Variants in TENM1 observed in about 807,000 individuals in gnomAD.
The protein encoded by TENM1 is teneurin-1.
In TENM1, 35 loss-of-function variants were observed where a neutral mutation model predicts 174.8. The ratio of observed to expected loss-of-function variants is 0.20; its 90% CI spans 0.15 to 0.27. The LOEUF (loss-of-function observed/expected upper bound fraction) is 0.27, where lower values mean the gene tolerates loss of function less well. Ranked by LOEUF, TENM1 falls within the 10% of genes least tolerant of loss-of-function variation. The pLI, the probability that TENM1 is intolerant of heterozygous loss-of-function variation, is 1.00. For synonymous variants in TENM1, 781 were observed against 798.7 expected (o/e 0.98, Z 0.37); for missense variants, 1,633 against 2,130.1 (o/e 0.77, Z 4.59).
chrX:124,842,118 C>T (rs2056514169), intron 3 of TENM1, among the ~76,000 whole-genome samples: 1 of 111,600 alleles, frequency 9.0e-6, no homozygotes, highest in Admixed American at 9.5e-5. Flanking sequence ...TATGTCTCTT[C>T]TGGTATTTCT....
intron 28 of TENM1, among the ~76,000 whole-genome samples, chrX:124,390,024 C>T (rs758519085): frequency 1.3e-4 from 15 of 111,916 alleles, no homozygotes; most frequent in Non-Finnish European, 2.4e-4. Context: ...GTTACCAGGA[C>T]TTGTCTTGAT....
At chrX:124,546,021 T>A (rs2048421079) in intron 15 of TENM1, among the ~76,000 whole-genome samples, 1 of 112,239 alleles carries the variant, frequency 8.9e-6, no homozygotes, top group East Asian at 2.8e-4. Flanking sequence ...GTTGTAATTT[T>A]CTTAGATTGT....
the TENM1 span, among the ~76,000 whole-genome samples, chrX:125,184,216 A>G: frequency 8.9e-6 from 1 of 112,078 alleles, no homozygotes; most frequent in African/African-American, 3.2e-5. Context: ...ATTCTGATCC[A>G]TTCATTCACA....
the TENM1 span, among the ~76,000 whole-genome samples, chrX:125,163,856 G>A: frequency 1.8e-5 from 2 of 111,234 alleles, no homozygotes; most frequent in Non-Finnish European, 3.8e-5. Context: ...GATAACTTAA[G>A]TCTGTTTCCT....
At chrX:124,523,820 C>T (rs1490633755) in intron 16 of TENM1, among the ~76,000 whole-genome samples, 195 bp from the exon 20 acceptor site, 1 of 108,700 alleles carries the variant, frequency 9.2e-6, no homozygotes, top group Non-Finnish European at 1.9e-5. Context: ...TAGTGGTCTT[C>T]TAGGAAGACA....
chrX:124,688,822 C>T (rs1175818242), intron 5 of TENM1: 3 of 111,697 alleles, frequency 2.7e-5, no homozygotes, highest in Non-Finnish European at 5.6e-5. Flanking sequence ...ACCATTGTTC[C>T]TTCTTTCCTT....
At chrX:124,528,248 C>CT (rs2048025525) in intron 16 of TENM1, among the ~76,000 whole-genome samples, 1 of 111,030 alleles carries the variant, frequency 9.0e-6, no homozygotes, top group African/African-American at 3.3e-5. Flanking sequence ...GGGCATTTCA[C>CT]TTAAAACTAA....
chrX:124,769,750 A>G (rs1229265166), intron 3 of TENM1, among the ~76,000 whole-genome samples: 1 of 112,300 alleles, frequency 8.9e-6, no homozygotes, highest in Non-Finnish European at 1.9e-5. Context: ...GGTAATTTAT[A>G]TCCAATGTGT....
chrX:124,532,500 T>C (rs1224038007), intron 15 of TENM1, among the ~76,000 whole-genome samples: 1 of 111,765 alleles, frequency 8.9e-6, no homozygotes, highest in African/African-American at 3.3e-5. Context: ...TAGACTTGTC[T>C]TTTGACTCTT....
chrX:125,157,311 C>T, the TENM1 span, among the ~76,000 whole-genome samples: 3 of 112,034 alleles, frequency 2.7e-5, no homozygotes, highest in Non-Finnish European at 5.6e-5. Context: ...AGCTCTGGGA[C>T]AGTTTTCTGC....
intron 1 of TENM1, among the ~76,000 whole-genome samples, chrX:124,928,304 C>A (rs1437726762): frequency 8.9e-6 from 1 of 112,129 alleles, no homozygotes; most frequent in Non-Finnish European, 1.9e-5. Context: ...ACACATATTT[C>A]TTTTCTTTTT....
At chrX:124,977,028 G>A in the TENM1 span, among the ~76,000 whole-genome samples, 1 of 112,143 alleles carries the variant, frequency 8.9e-6, no homozygotes, top group Non-Finnish European at 1.9e-5. Context: ...TGCTACCATA[G>A]AGAGTAGGGT....
intron 3 of TENM1, among the ~76,000 whole-genome samples, chrX:124,769,488 T>C (rs1449477606): frequency 1.8e-5 from 2 of 111,887 alleles, no homozygotes; most frequent in Non-Finnish European, 3.8e-5. Context: ...GATATATGCA[T>C]GATTAGTTTC....
At chrX:125,201,061 T>C in the TENM1 span, among the ~76,000 whole-genome samples, 2 of 112,311 alleles carry the variant, frequency 1.8e-5, no homozygotes, top group Non-Finnish European at 1.9e-5. Flanking sequence ...TCCACTAAGT[T>C]TTCTGTTTTC....
chrX:125,060,189 A>T, the TENM1 span, among the ~76,000 whole-genome samples: 18 of 85,531 alleles, frequency 2.1e-4, no homozygotes, highest in Middle Eastern at 5.2e-3. Flanking sequence ...TCTCACACAC[A>T]CACACACACA....
chrX:125,057,052 C>T, the TENM1 span, among the ~76,000 whole-genome samples: 1 of 111,113 alleles, frequency 9.0e-6, no homozygotes, highest in South Asian at 3.8e-4. Context: ...ACCAGAAATC[C>T]CAAGAAAATT....
At chrX:124,456,856 T>C (rs1216205842) in intron 22 of TENM1, among the ~76,000 whole-genome samples, 4 of 112,015 alleles carry the variant, frequency 3.6e-5, no homozygotes, top group Admixed American at 1.9e-4. Flanking sequence ...GCAAAATTTG[T>C]TCCAACGGTC....
At chrX:125,180,441 C>T in the TENM1 span, among the ~76,000 whole-genome samples, 2 of 101,697 alleles carry the variant, frequency 2.0e-5, no homozygotes, top group East Asian at 6.2e-4. Flanking sequence ...TTTTGGGAGG[C>T]CAAAGCAGAA....
At chrX:124,585,748 G>A (rs1366244056) in intron 11 of TENM1, among the ~76,000 whole-genome samples, 7 of 111,574 alleles carry the variant, frequency 6.3e-5, no homozygotes, top group African/African-American at 2.3e-4. Flanking sequence ...GAATCCAGGA[G>A]CTGGTTTTTT....
Sources: gnomAD v4.1 joint callset for allele counts (sites outside exome capture counted in the v4.1 genomes callset) on GRCh38, gnomAD v4.1.1 for gene constraint, MANE v1.5 for transcripts, NCBI Gene and HGNC (gene_info 2026-07-23, HGNC 2026-07-21) for gene names.